Variants in FHIT observed in about 807,000 individuals in gnomAD.
The protein encoded by FHIT is bis(5'-adenosyl)-triphosphatase.
FHIT carries 19 observed loss-of-function variants against 17.9 expected under a neutral mutation model. The observed-to-expected ratio is 1.06, with a 90% CI of 0.74 to 1.56. The LOEUF (loss-of-function observed/expected upper bound fraction) is 1.56. Ranked by LOEUF, FHIT falls within the 40% of genes most tolerant of loss-of-function variation. The probability of loss-of-function intolerance (pLI) is 0.00; values close to 1 mark genes in which losing one functional copy is unlikely to be tolerated. For synonymous variants in FHIT, 81 were observed against 69.7 expected (o/e 1.16, Z -0.81); for missense variants, 248 against 189.2 (o/e 1.31, Z -1.82).
At chr3:60,900,078 T>C (rs1460307083) in intron 3 of FHIT, among the ~76,000 whole-genome samples, 1 of 152,174 alleles carries the variant, frequency 6.6e-6, no homozygotes, top group Non-Finnish European at 1.5e-5. Flanking sequence ...TGGGGGCAGC[T>C]TCAAGATAGC....
intron 3 of FHIT, among the ~76,000 whole-genome samples, chr3:60,909,500 T>C (rs1553765350): frequency 6.6e-6 from 1 of 152,192 alleles, no homozygotes; most frequent in African/African-American, 2.4e-5. Flanking sequence ...AGTATTGTGA[T>C]GTGGTTCTCT....
At chr3:60,793,244 A>G (rs1162206601) in intron 4 of FHIT, among the ~76,000 whole-genome samples, 3 of 152,148 alleles carry the variant, frequency 2.0e-5, no homozygotes, top group African/African-American at 4.8e-5. Context: ...ACAATGTCAC[A>G]ATGTCTTAAG....
intron 8 of FHIT, among the ~76,000 whole-genome samples, chr3:59,906,621 G>A (rs1403343463): frequency 6.6e-6 from 1 of 152,148 alleles, no homozygotes; most frequent in Admixed American, 6.5e-5. Context: ...AATGGCCTGC[G>A]TGATTTTCCC....
chr3:60,423,577 C>T (rs1293247888), intron 5 of FHIT, among the ~76,000 whole-genome samples: 1 of 152,020 alleles, frequency 6.6e-6, no homozygotes, highest in Non-Finnish European at 1.5e-5. Context: ...AGTAATGTTT[C>T]CCCTAATAAT....
At chr3:61,117,905 CA>C (rs1244713394) in intron 2 of FHIT, among the ~76,000 whole-genome samples, 23 of 152,122 alleles carry the variant, frequency 1.5e-4, no homozygotes, top group Admixed American at 1.3e-3. Context: ...AACGAATGAA[CA>C]AAGCTGCGAG....
rs531773991 is a variant in FHIT, at chr3:59,813,454, G to T, written c.349-61133C>A. On this transcript the variant is annotated intron_variant, in intron 8 of 9. Coordinates refer to ENST00000492590, the MANE Select transcript of FHIT (RefSeq NM_002012.4). ...GCTCCCAGAGAGCACAGCATGTGAAGAGAGAAATAATAATTCCTGGAACGC... is the reference window on the plus strand; with the variant it reads ...GCTCCCAGAGAGCACAGCATGTGAATAGAGAAATAATAATTCCTGGAACGC... 2.6e-5 allele frequency among the ~76,000 whole-genome samples: 4 copies of T among 152,290 alleles called. No individual in the cohort carries two copies. The South Asian group carries it at 8.3e-4, about 32-fold the overall frequency.
chr3:60,680,294 G>T (rs1001174287), intron 4 of FHIT, among the ~76,000 whole-genome samples: 1 of 152,132 alleles, frequency 6.6e-6, no homozygotes, highest in Admixed American at 6.5e-5. Context: ...GGCATTTCCT[G>T]ATTACTTTTG....
intron 3 of FHIT, among the ~76,000 whole-genome samples, chr3:60,889,927 T>C (rs1705425615): frequency 6.6e-6 from 1 of 152,174 alleles, no homozygotes; most frequent in Non-Finnish European, 1.5e-5. Context: ...TATAGATGTT[T>C]AAAAATATGT....
intron 5 of FHIT, among the ~76,000 whole-genome samples, chr3:60,291,047 C>A (rs1707960570): frequency 6.6e-6 from 1 of 152,256 alleles, no homozygotes; most frequent in South Asian, 2.1e-4. Context: ...CTAAAGCGGC[C>A]TCATTGTCTG....
At chr3:60,514,320 G>C (rs2035064209) in intron 5 of FHIT, among the ~76,000 whole-genome samples, 1 of 152,228 alleles carries the variant, frequency 6.6e-6, no homozygotes, top group Admixed American at 6.5e-5. Flanking sequence ...GCCTGCTTCT[G>C]CTGGAGAGAA....
intron 5 of FHIT, among the ~76,000 whole-genome samples, chr3:60,338,156 C>T (rs966048041): frequency 5.3e-5 from 8 of 152,130 alleles, no homozygotes; most frequent in Admixed American, 2.6e-4. Flanking sequence ...ATATATTCTG[C>T]ATCACTAAGA....
chr3:61,139,732 T>A (rs950260736), intron 2 of FHIT, among the ~76,000 whole-genome samples: 5 of 152,178 alleles, frequency 3.3e-5, no homozygotes, highest in Admixed American at 2.0e-4. Flanking sequence ...TGGTGAATCT[T>A]GGCTCATGTA....
intron 4 of FHIT, among the ~76,000 whole-genome samples, chr3:60,648,253 C>T (rs782545277): frequency 1.6e-4 from 25 of 152,070 alleles, no homozygotes; most frequent in Non-Finnish European, 3.5e-4. Context: ...GACTGAACTG[C>T]GCTTTTGTTA....
At chr3:60,758,156 C>T (rs1294328326) in intron 4 of FHIT, among the ~76,000 whole-genome samples, 1 of 152,208 alleles carries the variant, frequency 6.6e-6, no homozygotes, top group East Asian at 1.9e-4. Context: ...GCTGCTGGTC[C>T]TTCAGGTGGC....
intron 8 of FHIT, among the ~76,000 whole-genome samples, chr3:59,790,291 G>A (rs1343744903): frequency 1.3e-5 from 2 of 152,190 alleles, no homozygotes; most frequent in Non-Finnish European, 1.5e-5. Flanking sequence ...GCAGGTGATA[G>A]CATTTTGTAC....
intron 3 of FHIT, among the ~76,000 whole-genome samples, chr3:60,991,742 T>TA (rs2030239253): frequency 6.6e-6 from 1 of 152,104 alleles, no homozygotes. Context: ...ATATAACACA[T>TA]AATACAGAGT....
chr3:61,224,188 T>C (rs1449872900), intron 1 of FHIT, among the ~76,000 whole-genome samples: 2 of 152,228 alleles, frequency 1.3e-5, no homozygotes, highest in Non-Finnish European at 2.9e-5. Flanking sequence ...AAGGGCCGTA[T>C]AGTTCTAGTT....
At chr3:60,511,627 A>G (rs2107544542) in intron 5 of FHIT, among the ~76,000 whole-genome samples, 1 of 152,280 alleles carries the variant, frequency 6.6e-6, no homozygotes. Context: ...GATTTAAAAT[A>G]TATGTATACA....
intron 2 of FHIT, among the ~76,000 whole-genome samples, chr3:61,111,193 C>A (rs535292932): frequency 3.5e-4 from 54 of 152,252 alleles, no homozygotes; most frequent in Non-Finnish European, 6.0e-4. Context: ...CCACTTTAAG[C>A]CTCGGTGCCT....
Sources: gnomAD v4.1 joint callset for allele counts (sites outside exome capture counted in the v4.1 genomes callset) on GRCh38, gnomAD v4.1.1 for gene constraint, MANE v1.5 for transcripts, NCBI Gene and HGNC (gene_info 2026-07-23, HGNC 2026-07-21) for gene names.